PRKCQ: variants seen among roughly 807,000 people sequenced by gnomAD.
PRKCQ encodes protein kinase C theta.
In PRKCQ, 41 loss-of-function variants were observed where a neutral mutation model predicts 91.2. That is an observed-to-expected ratio of 0.45 (90% CI 0.35 to 0.58). The LOEUF (loss-of-function observed/expected upper bound fraction) is 0.58, where lower values mean the gene tolerates loss of function less well. PRKCQ is among the 20% of genes least tolerant of loss of function. The pLI, the probability that PRKCQ is intolerant of heterozygous loss-of-function variation, is 0.00. For synonymous variants in PRKCQ, 307 were observed against 316.9 expected, an observed-to-expected ratio of 0.97 and a Z score of 0.33; for missense variants, 673 against 896.5, an observed-to-expected ratio of 0.75 and a Z score of 3.18.
intron 15 of PRKCQ, among the ~76,000 whole-genome samples, chr10:6,442,892 G>T (rs1349131330): frequency 6.6e-6 from 1 of 152,044 alleles, no homozygotes; most frequent in Non-Finnish European, 1.5e-5. Context: ...AACCTGGGAG[G>T]CAGTGGTTGC....
the PRKCQ span, among the ~76,000 whole-genome samples, chr10:6,399,245 G>C: frequency 1.3e-5 from 2 of 152,202 alleles, no homozygotes; most frequent in African/African-American, 2.4e-5. Flanking sequence ...GTAGGTCCTC[G>C]ATAAATATTC....
At chr10:6,572,845 A>G (rs529246975) in intron 1 of PRKCQ, among the ~76,000 whole-genome samples, 132 of 152,294 alleles carry the variant, frequency 8.7e-4, no homozygotes, top group African/African-American at 3.1e-3. Flanking sequence ...TTACATTCCC[A>G]CCACCAAGAG....
At chr10:6,466,100 C>T (rs911514450) in intron 12 of PRKCQ, among the ~76,000 whole-genome samples, 4 of 152,338 alleles carry the variant, frequency 2.6e-5, no homozygotes, top group East Asian at 1.9e-4. Flanking sequence ...TAAGTAGTCA[C>T]GAGAGCAAAG....
intron 16 of PRKCQ, among the ~76,000 whole-genome samples, chr10:6,436,811 C>T (rs202077952): frequency 7.4e-4 from 110 of 149,332 alleles, no homozygotes; most frequent in Admixed American, 3.1e-3. Context: ...GGAAGGAACC[C>T]TTTCTTCCCA....
intron 1 of PRKCQ, among the ~76,000 whole-genome samples, chr10:6,517,182 T>C (rs1295090561): frequency 6.6e-6 from 1 of 152,126 alleles, no homozygotes; most frequent in Non-Finnish European, 1.5e-5. Flanking sequence ...ACAGAGTGCT[T>C]TTCTCTGTGT....
chr10:6,482,122 T>C (rs1216818205), intron 11 of PRKCQ, among the ~76,000 whole-genome samples: 1 of 151,990 alleles, frequency 6.6e-6, no homozygotes, highest in Non-Finnish European at 1.5e-5. Context: ...TCTCCACAAT[T>C]TTTTTCCAGG....
chr10:6,418,969 A>G, the PRKCQ span, among the ~76,000 whole-genome samples: 9 of 93,134 alleles, frequency 9.7e-5, no homozygotes, highest in Admixed American at 1.0e-3. Flanking sequence ...CTATCTATCT[A>G]TCTATCTATC....
intron 16 of PRKCQ, among the ~76,000 whole-genome samples, chr10:6,433,420 T>C (rs959202718): frequency 6.6e-6 from 1 of 152,204 alleles, no homozygotes; most frequent in Non-Finnish European, 1.5e-5. Context: ...GAAGCTAGCA[T>C]AGTGCCGTGC....
At chr10:6,463,456 G>A (rs1395181443) in intron 13 of PRKCQ, among the ~76,000 whole-genome samples, 2 of 152,168 alleles carry the variant, frequency 1.3e-5, no homozygotes, top group Non-Finnish European at 2.9e-5. Flanking sequence ...TTTCTCTGCT[G>A]CAGAAATCCA....
intron 1 of PRKCQ, among the ~76,000 whole-genome samples, chr10:6,579,301 C>T (rs560753193): frequency 3.3e-5 from 5 of 152,278 alleles, no homozygotes; most frequent in African/African-American, 1.2e-4. Flanking sequence ...CCACCTTCTC[C>T]AGCCTAGTCC....
chr10:6,451,448 CAA>C (rs1259594189), intron 15 of PRKCQ, among the ~76,000 whole-genome samples: 1 of 152,064 alleles, frequency 6.6e-6, no homozygotes, highest in Non-Finnish European at 1.5e-5. Flanking sequence ...GCTTACCAAC[CAA>C]AAAGAGTCTA....
At chr10:6,451,142 G>C (rs1281786319) in intron 15 of PRKCQ, among the ~76,000 whole-genome samples, 1 of 150,392 alleles carries the variant, frequency 6.6e-6, no homozygotes, top group African/African-American at 2.4e-5. Context: ...CCAGGAGCTG[G>C]TTTTTTGAAA....
intron 1 of PRKCQ, among the ~76,000 whole-genome samples, chr10:6,521,631 T>G (rs1238560357): frequency 1.3e-5 from 2 of 152,230 alleles, no homozygotes; most frequent in East Asian, 3.8e-4. Flanking sequence ...CTTCTCAACT[T>G]CATTGGTGTG....
chr10:6,498,376 G>T lies in PRKCQ; in HGVS notation c.542+20C>A. ...AAATGCATAACCCGAAGCTTGGAGG[G>T]AGATGCCAAGTTACTGTACCAGACA... is the stretch of plus-strand genomic sequence containing the variant. On this transcript the variant is annotated intron_variant, in intron 5 of 17. Coordinates refer to ENST00000263125, the MANE Select transcript of PRKCQ (RefSeq NM_006257.5). 6.2e-7 allele frequency: 1 copy of T among 1,613,000 alleles called. No homozygotes were observed. Among genetic ancestry groups the T allele is most frequent in the East Asian group, 2.2e-5 (1 of 44,882 alleles).
At chr10:6,573,182 C>T (rs1235886321) in intron 1 of PRKCQ, among the ~76,000 whole-genome samples, 1 of 152,126 alleles carries the variant, frequency 6.6e-6, no homozygotes, top group African/African-American at 2.4e-5. Context: ...ATGTCATTGC[C>T]CACTAGTAGA....
intron 1 of PRKCQ, among the ~76,000 whole-genome samples, chr10:6,555,080 G>A (rs1041578940): frequency 6.6e-6 from 1 of 151,514 alleles, no homozygotes; most frequent in African/African-American, 2.4e-5. Context: ...TAAATATTGG[G>A]TACTCATGGA....
At chr10:6,534,967 TG>T (rs1448311314) in intron 1 of PRKCQ, among the ~76,000 whole-genome samples, 1 of 152,028 alleles carries the variant, frequency 6.6e-6, no homozygotes, top group Non-Finnish European at 1.5e-5. Flanking sequence ...AAAGGGAAAA[TG>T]TTTTTCATAT....
At chr10:6,460,820 C>G (rs1190618079) in intron 14 of PRKCQ, among the ~76,000 whole-genome samples, 1 of 151,904 alleles carries the variant, frequency 6.6e-6, no homozygotes, top group Non-Finnish European at 1.5e-5. Context: ...CCCCACCCAT[C>G]CATCACCATC....
intron 12 of PRKCQ, among the ~76,000 whole-genome samples, chr10:6,469,893 T>TA (rs1835869317): frequency 6.6e-6 from 1 of 152,204 alleles, no homozygotes; most frequent in Non-Finnish European, 1.5e-5. Context: ...GAAGAACCCT[T>TA]AAATGCATAT....
Sources: gnomAD v4.1 joint callset for allele counts (sites outside exome capture counted in the v4.1 genomes callset) on GRCh38, gnomAD v4.1.1 for gene constraint, MANE v1.5 for transcripts, NCBI Gene and HGNC (gene_info 2026-07-23, HGNC 2026-07-21) for gene names.